The following RNF180 variants were observed in gnomAD, a reference collection of about 807,000 sequenced individuals.
RNF180 encodes E3 ubiquitin-protein ligase RNF180.
RNF180 carries 38 observed loss-of-function variants against 59.2 expected under a neutral mutation model. The observed-to-expected ratio is 0.64, with a 90% CI of 0.50 to 0.84. RNF180 has a LOEUF of 0.84. Ranked by LOEUF, RNF180 falls within the 40% of genes least tolerant of loss-of-function variation. RNF180 has a pLI of 0.00. For missense variants in RNF180, 705 were observed against 700.9 expected (o/e 1.01, Z -0.07); for synonymous variants, 262 against 240.3 (o/e 1.09, Z -0.84).
intron 5 of RNF180, among the ~76,000 whole-genome samples, chr5:64,256,766 A>G (rs550814530): frequency 2.0e-4 from 31 of 152,186 alleles, no homozygotes; most frequent in Non-Finnish European, 4.0e-4. Flanking sequence ...GATGGGGATG[A>G]CATTGAATCT....
In RNF180 at chr5:64,320,194, C is replaced by A. The variant is rs532491061; in HGVS notation, c.1228-4992C>A. 7.5e-4 allele frequency among the ~76,000 whole-genome samples: 114 copies of A among 152,280 alleles called. No homozygotes were observed. In the Middle Eastern group the frequency reaches 0.01, roughly 14 times the overall value. ...GAACATTATAATTGTTACTAGATAA[C>A]CTGCTAAATTGTTGGCCTAGTCTTG... On this transcript the variant is annotated intron_variant, in intron 5 of 7. Transcript: ENST00000389100.
intron 1 of RNF180, among the ~76,000 whole-genome samples, chr5:64,178,121 T>A (rs1440040674): frequency 1.3e-5 from 2 of 150,896 alleles, no homozygotes; most frequent in Non-Finnish European, 2.9e-5. Context: ...GGAGAATTGC[T>A]TGAACCAGGG....
intron 5 of RNF180, among the ~76,000 whole-genome samples, chr5:64,308,285 A>G (rs911317684): frequency 6.6e-6 from 1 of 151,700 alleles, no homozygotes; most frequent in Non-Finnish European, 1.5e-5. Context: ...TGCTTTTGTA[A>G]TCATTCGTTG....
intron 5 of RNF180, among the ~76,000 whole-genome samples, chr5:64,259,056 T>C (rs981395917): frequency 6.6e-5 from 10 of 152,166 alleles, no homozygotes; most frequent in African/African-American, 2.4e-4. Flanking sequence ...TTTGTTTGTT[T>C]TTGTCCTCAG....
At chr5:64,206,876 C>A (rs922742191) in intron 2 of RNF180, among the ~76,000 whole-genome samples, 4 of 152,138 alleles carry the variant, frequency 2.6e-5, no homozygotes, top group African/African-American at 7.2e-5. Context: ...GCACCCTGAT[C>A]TCAAACCTTC....
chr5:64,299,964 A>G (rs538189358), intron 5 of RNF180, among the ~76,000 whole-genome samples: 1 of 151,810 alleles, frequency 6.6e-6, no homozygotes, highest in South Asian at 2.1e-4. Context: ...TGTCCAGTGT[A>G]TCGGTGGTAT....
At chr5:64,173,985 A>G (rs1398792027) in intron 1 of RNF180, among the ~76,000 whole-genome samples, 2 of 152,152 alleles carry the variant, frequency 1.3e-5, no homozygotes, top group African/African-American at 2.4e-5. Context: ...AATTGCTGGG[A>G]TTACAGGCGT....
chr5:64,363,586 A>G (rs1746339048), intron 7 of RNF180, among the ~76,000 whole-genome samples: 1 of 151,828 alleles, frequency 6.6e-6, no homozygotes. Flanking sequence ...TTTTGGTTCC[A>G]TATGAACTTT....
chr5:64,189,929 A>G (rs1751053022), intron 1 of RNF180, among the ~76,000 whole-genome samples: 1 of 152,226 alleles, frequency 6.6e-6, no homozygotes, highest in South Asian at 2.1e-4. Context: ...GGCTATGAAT[A>G]TGCCTTATCC....
At chr5:64,331,574 G>T (rs1744910038) in intron 7 of RNF180, among the ~76,000 whole-genome samples, 1 of 152,128 alleles carries the variant, frequency 6.6e-6, no homozygotes, top group South Asian at 2.1e-4. Flanking sequence ...GTGAATAGGA[G>T]ATACCCACTG....
chr5:64,369,295 C>T (rs1746568519), intron 7 of RNF180, among the ~76,000 whole-genome samples: 1 of 151,828 alleles, frequency 6.6e-6, no homozygotes, highest in Non-Finnish European at 1.5e-5. Context: ...GAACATCACA[C>T]TCTGGGGACT....
At chr5:64,342,643 C>A (rs954468044) in intron 7 of RNF180, among the ~76,000 whole-genome samples, 2 of 151,998 alleles carry the variant, frequency 1.3e-5, no homozygotes, top group South Asian at 2.1e-4. Flanking sequence ...ATATTTTAAA[C>A]CTATATAGGA....
chr5:64,293,929 G>T (rs1382073753), intron 5 of RNF180, among the ~76,000 whole-genome samples: 1 of 152,094 alleles, frequency 6.6e-6, no homozygotes, highest in Non-Finnish European at 1.5e-5. Flanking sequence ...TTTTTAAAAA[G>T]ACTTCTTATT....
At chr5:64,292,701 A>T (rs1220743160) in intron 5 of RNF180, among the ~76,000 whole-genome samples, 1 of 152,110 alleles carries the variant, frequency 6.6e-6, no homozygotes, top group Admixed American at 6.5e-5. Context: ...GACCACCTAG[A>T]CTCTGCAGAG....
chr5:64,228,713 T>C (rs1741923166), intron 5 of RNF180, among the ~76,000 whole-genome samples: 1 of 152,130 alleles, frequency 6.6e-6, no homozygotes, highest in South Asian at 2.1e-4. Flanking sequence ...CCTAATATTA[T>C]ACCCTTTTTA....
At chr5:64,325,719 C>G (rs1375968596) in intron 6 of RNF180, among the ~76,000 whole-genome samples, 1 of 152,056 alleles carries the variant, frequency 6.6e-6, no homozygotes, top group East Asian at 1.9e-4. Flanking sequence ...TTATTTATTC[C>G]TCATATCTGC....
At chr5:64,337,918 G>A (rs1032518388) in intron 7 of RNF180, among the ~76,000 whole-genome samples, 6 of 152,030 alleles carry the variant, frequency 3.9e-5, no homozygotes, top group Non-Finnish European at 7.4e-5. Flanking sequence ...TTGGACATTT[G>A]GGTTGGTTCC....
At chr5:64,261,318 A>G (rs1477607399) in intron 5 of RNF180, among the ~76,000 whole-genome samples, 3 of 152,178 alleles carry the variant, frequency 2.0e-5, no homozygotes, top group South Asian at 4.1e-4. Context: ...ATGTCAACCT[A>G]ACAAGGCTTA....
At chr5:64,168,546 A>G (rs1283046167) in intron 1 of RNF180, among the ~76,000 whole-genome samples, 2 of 152,192 alleles carry the variant, frequency 1.3e-5, no homozygotes, top group African/African-American at 4.8e-5. Context: ...CAGATATTTT[A>G]CTTACATATT....
Sources: gnomAD v4.1 joint callset for allele counts (sites outside exome capture counted in the v4.1 genomes callset) on GRCh38, gnomAD v4.1.1 for gene constraint, MANE v1.5 for transcripts, NCBI Gene and HGNC (gene_info 2026-07-23, HGNC 2026-07-21) for gene names.